Variants in ROCK1 observed in about 807,000 individuals in gnomAD.
ROCK1 encodes Rho associated coiled-coil containing protein kinase 1.
Under a neutral mutation model 196.8 loss-of-function variants are expected in ROCK1, and 36 were observed. That is an observed-to-expected ratio of 0.18 (90% CI 0.14 to 0.24). The LOEUF is 0.24. Ranked by LOEUF, ROCK1 falls within the 10% of genes least tolerant of loss-of-function variation. The pLI is 1.00. For missense variants in ROCK1, 920 were observed against 1,562.0 expected (o/e 0.59, Z 6.93); for synonymous variants, 443 against 515.9 (o/e 0.86, Z 1.91).
rs781549526 is a variant in ROCK1, at chr18:21,028,841, A to G, written c.1146T>C (p.Pro382=). The change falls in exon 10 of 33, where the codon CCT becomes CCC. Residue 382 remains proline, a synonymous_variant. Transcript: ENST00000399799. ...GATTGCCAACGAAAGCTTTAGGAAT[A>G]GGGAATGTTTCTTCCTCTCCTTTAT... The part of the protein sequence containing the change: ...EEDKGEEETF[P]IPKAFVGNQL... 1.9e-6 allele frequency: 3 copies of G among 1,612,808 alleles called. No individual in the cohort carries two copies. The highest frequency in any genetic ancestry group is 3.3e-4 in the Middle Eastern group (2 of 6,054).
chr18:21,060,669 G>C (rs986600246), intron 2 of ROCK1, among the ~76,000 whole-genome samples: 3 of 151,874 alleles, frequency 2.0e-5, no homozygotes, highest in African/African-American at 7.3e-5. Context: ...GAGAAACCCT[G>C]TCTCTACTAA....
intron 18 of ROCK1, among the ~76,000 whole-genome samples, chr18:20,990,553 G>T (rs2035615279): frequency 6.6e-6 from 1 of 151,316 alleles, no homozygotes; most frequent in African/African-American, 2.4e-5. Flanking sequence ...AATTAGCCGG[G>T]CATGGTGTCG....
chr18:21,001,984 G>A (rs991047309), intron 16 of ROCK1, among the ~76,000 whole-genome samples: 2 of 152,006 alleles, frequency 1.3e-5, no homozygotes, highest in African/African-American at 2.4e-5. Flanking sequence ...CCATGTAACA[G>A]TGAAATGCAA....
Position 21,096,705 on chromosome 18 carries a change from T to C in ROCK1, c.93+14113A>G, listed in dbSNP as rs574796110. 1.1e-4 allele frequency among the ~76,000 whole-genome samples: 16 copies of C among 152,024 alleles called. 1 individual carries two copies. In the South Asian group the frequency reaches 1.5e-3, roughly 14 times the overall value. ...CATTAGGTATGATTAACAAACAAGATAGCCCTATACCAGATAGGTATGATC... is the reference window on the plus strand; with the variant it reads ...CATTAGGTATGATTAACAAACAAGACAGCCCTATACCAGATAGGTATGATC... On this transcript the variant is annotated intron_variant, in intron 1 of 32. Transcript: ENST00000399799.
chr18:21,054,639 G>A (rs1325982732), intron 2 of ROCK1, among the ~76,000 whole-genome samples: 1 of 152,038 alleles, frequency 6.6e-6, no homozygotes, highest in African/African-American at 2.4e-5. Context: ...AGGTCACCAC[G>A]TCTCATCGCT....
At chr18:20,998,320 C>T (rs2035690616) in intron 16 of ROCK1, among the ~76,000 whole-genome samples, 2 of 152,192 alleles carry the variant, frequency 1.3e-5, no homozygotes, top group South Asian at 4.1e-4. Flanking sequence ...AAGCTTATAG[C>T]TCTGAGCATC....
At chr18:21,090,991 TG>T (rs1263646563) in intron 1 of ROCK1, among the ~76,000 whole-genome samples, 5 of 152,218 alleles carry the variant, frequency 3.3e-5, no homozygotes, top group Non-Finnish European at 4.4e-5. Context: ...TCTGTTTTTC[TG>T]TAACAGTTGA....
chr18:20,972,283 A>T (rs2035436625), intron 22 of ROCK1, among the ~76,000 whole-genome samples: 1 of 152,182 alleles, frequency 6.6e-6, no homozygotes, highest in Admixed American at 6.5e-5. Context: ...ACTAGGAATA[A>T]CAGAATTGTT....
rs202175481 is a variant in ROCK1 at position 21,009,109 on chromosome 18, T to C, written c.1411-915A>G. On this transcript the variant is annotated intron_variant, in intron 13 of 32. Transcript: ENST00000399799. ...ATGGTTCTCCATTTCTATAATTTTG[T>C]CTTTTTGAGAATGTTATATAAATGG... 3.9e-5 allele frequency among the ~76,000 whole-genome samples: 6 copies of C among 152,024 alleles called. No individual in the cohort carries two copies. In the East Asian group the frequency reaches 9.7e-4, roughly 24 times the overall value.
intron 2 of ROCK1, among the ~76,000 whole-genome samples, chr18:21,061,079 TA>T (rs1231484989): frequency 4.0e-4 from 61 of 151,542 alleles, no homozygotes; most frequent in Non-Finnish European, 6.5e-4. Flanking sequence ...TAAATGCTTT[TA>T]TTTTTTTTTT....
chr18:20,971,431 T>C (rs2035427250), intron 22 of ROCK1, among the ~76,000 whole-genome samples: 1 of 151,750 alleles, frequency 6.6e-6, no homozygotes, highest in Non-Finnish European at 1.5e-5. Context: ...TGCATCACGC[T>C]GTTCTAGGAA....
chr18:21,022,007 A>T (rs2035916888), intron 11 of ROCK1, among the ~76,000 whole-genome samples: 1 of 152,008 alleles, frequency 6.6e-6, no homozygotes, highest in African/African-American at 2.4e-5. Flanking sequence ...CCTTTTTCTC[A>T]TTTTCCCTTT....
intron 2 of ROCK1, among the ~76,000 whole-genome samples, chr18:21,067,224 T>C (rs907037845): frequency 1.3e-5 from 2 of 152,204 alleles, no homozygotes; most frequent in Non-Finnish European, 2.9e-5. Context: ...ACATCTTCTT[T>C]GGAGAAATGT....
intron 1 of ROCK1, among the ~76,000 whole-genome samples, chr18:21,099,206 G>A (rs1374205228): frequency 6.6e-6 from 1 of 151,860 alleles, no homozygotes; most frequent in African/African-American, 2.4e-5. Flanking sequence ...AAGGAAGGAG[G>A]AAAATCATAC....
At chr18:21,032,868 A>G (rs921554093) in intron 9 of ROCK1, among the ~76,000 whole-genome samples, 1 of 152,080 alleles carries the variant, frequency 6.6e-6, no homozygotes, top group African/African-American at 2.4e-5. Context: ...ACATTCCTAG[A>G]AAACACAGGC....
intron 9 of ROCK1, among the ~76,000 whole-genome samples, chr18:21,037,070 CA>C (rs1252468714): frequency 7.9e-5 from 12 of 152,100 alleles, no homozygotes; most frequent in African/African-American, 2.9e-4. Flanking sequence ...TGAATTTTGA[CA>C]TTGTTGTTTG....
At chr18:20,959,075 A>AATATATTATATATATTATATATAATATT (rs1568367347) in intron 29 of ROCK1, among the ~76,000 whole-genome samples, 1 of 45,258 alleles carries the variant, frequency 2.2e-5, no homozygotes, top group African/African-American at 1.3e-4. Flanking sequence ...TATATTATAT[A>AATATATTATATATATTATATATAATATT]ATATATATAT....
At chr18:21,089,798 T>C (rs1021201246) in intron 1 of ROCK1, among the ~76,000 whole-genome samples, 5 of 152,118 alleles carry the variant, frequency 3.3e-5, no homozygotes, top group African/African-American at 1.2e-4. Context: ...AACAGAACGG[T>C]TGTATGGGTA....
intron 29 of ROCK1, among the ~76,000 whole-genome samples, chr18:20,959,327 T>G: frequency 6.9e-6 from 1 of 145,106 alleles, no homozygotes; most frequent in East Asian, 2.0e-4. Context: ...TTCTCCTGCC[T>G]CAGCCTTCTG....
Sources: allele counts gnomAD v4.1 joint callset (sites outside exome capture counted in the v4.1 genomes callset), GRCh38; gene constraint gnomAD v4.1.1; transcripts MANE v1.5; gene names NCBI Gene and HGNC (gene_info 2026-07-23, HGNC 2026-07-21).